Variants in GBE1 observed in about 807,000 individuals in gnomAD.
GBE1 encodes 1,4-alpha-glucan branching enzyme 1.
A neutral mutation model predicts 88.8 loss-of-function variants in GBE1; 70 were observed. That is an observed-to-expected ratio of 0.79 (90% CI 0.65 to 0.96). The LOEUF (loss-of-function observed/expected upper bound fraction) is 0.96, where lower values mean the gene tolerates loss of function less well. Ranked by LOEUF, GBE1 falls within the 40% of genes least tolerant of loss-of-function variation. The pLI is 0.00. For synonymous variants in GBE1, 284 were observed against 300.1 expected, an observed-to-expected ratio of 0.95 and a Z score of 0.56; for missense variants, 872 against 871.0, an observed-to-expected ratio of 1.00 and a Z score of -0.01.
intron 14 of GBE1, among the ~76,000 whole-genome samples, chr3:81,502,098 T>C (rs1702594416): frequency 6.6e-6 from 1 of 151,866 alleles, no homozygotes; most frequent in Non-Finnish European, 1.5e-5. Context: ...AATGTTATAG[T>C]AAAATAAAAA....
chr3:81,537,239 C>G, intron 12 of GBE1, 144 bp from the exon 13 acceptor site: 1 of 556,396 alleles, frequency 1.8e-6, no homozygotes, highest in African/African-American at 2.0e-5. Flanking sequence ...GAATGATGTA[C>G]AGGTGTAGCT....
intron 3 of GBE1, 78 bp from the exon 4 acceptor site, chr3:81,649,999 T>C: frequency 1.8e-6 from 2 of 1,139,158 alleles, no homozygotes; most frequent in Non-Finnish European, 2.6e-6. Flanking sequence ...GGAGCACTGC[T>C]ACAAGTAGGA....
intron 12 of GBE1, among the ~76,000 whole-genome samples, chr3:81,550,479 CA>C (rs913899720): frequency 6.6e-6 from 1 of 151,480 alleles, no homozygotes; most frequent in Non-Finnish European, 1.5e-5. Context: ...GAATATATGT[CA>C]GAGGTGTTTG....
At chr3:81,562,873 T>C (rs1283329396) in intron 12 of GBE1, among the ~76,000 whole-genome samples, 1 of 151,996 alleles carries the variant, frequency 6.6e-6, no homozygotes, top group African/African-American at 2.4e-5. Context: ...CATCTTTTTT[T>C]TTTTTAATGG....
chr3:81,708,701 TATA>T (rs1705810753), intron 1 of GBE1, among the ~76,000 whole-genome samples: 1 of 152,176 alleles, frequency 6.6e-6, no homozygotes, highest in African/African-American at 2.4e-5. Flanking sequence ...CATCTATGTA[TATA>T]ATAATATTTA....
intron 15 of GBE1, among the ~76,000 whole-genome samples, chr3:81,497,139 G>A (rs1702510944): frequency 6.6e-6 from 1 of 152,176 alleles, no homozygotes; most frequent in Admixed American, 6.6e-5. Flanking sequence ...TCCTGATGTT[G>A]CTGCCACTTG....
intron 12 of GBE1, among the ~76,000 whole-genome samples, chr3:81,544,330 G>A (rs1437977241): frequency 6.6e-6 from 1 of 152,080 alleles, no homozygotes; most frequent in Non-Finnish European, 1.5e-5. Flanking sequence ...TCCAAAATAC[G>A]TATTACAAGT....
At chr3:81,629,361 T>C (rs1034895181) in intron 7 of GBE1, among the ~76,000 whole-genome samples, 1 of 151,846 alleles carries the variant, frequency 6.6e-6, no homozygotes, top group African/African-American at 2.4e-5. Flanking sequence ...CATGAACTCA[T>C]CATTTTTTAT....
chr3:81,510,322 C>A (rs553060562), intron 14 of GBE1, among the ~76,000 whole-genome samples: 2 of 152,130 alleles, frequency 1.3e-5, no homozygotes, highest in South Asian at 4.1e-4. Context: ...CATAATTTTT[C>A]TTTATTTGAA....
chr3:81,743,446 C>A (rs761681025), intron 1 of GBE1: 34 of 710,534 alleles, frequency 4.8e-5, no homozygotes, highest in Admixed American at 4.6e-4. Flanking sequence ...ACACATACAC[C>A]CCCACAATAT....
chr3:81,626,079 A>G (rs933257071), intron 7 of GBE1, among the ~76,000 whole-genome samples: 2 of 152,234 alleles, frequency 1.3e-5, no homozygotes, highest in African/African-American at 2.4e-5. Flanking sequence ...TAAGATTTCA[A>G]TAAAGTAAAC....
intron 14 of GBE1, among the ~76,000 whole-genome samples, chr3:81,513,618 A>G (rs998935429): frequency 1.3e-5 from 2 of 151,638 alleles, no homozygotes; most frequent in Admixed American, 1.3e-4. Context: ...AAGACAACAG[A>G]CAGGATTAGT....
At chr3:81,613,253 T>C (rs1282330897) in intron 7 of GBE1, among the ~76,000 whole-genome samples, 1 of 151,586 alleles carries the variant, frequency 6.6e-6, no homozygotes, top group East Asian at 1.9e-4. Context: ...TTGAGCAGAA[T>C]AGAACAGGAA....
intron 8 of GBE1, among the ~76,000 whole-genome samples, chr3:81,592,804 C>T (rs899979659): frequency 6.6e-6 from 1 of 152,146 alleles, no homozygotes; most frequent in East Asian, 1.9e-4. Flanking sequence ...TTTTTCTTAA[C>T]TTTTGCCTTT....
intron 7 of GBE1, among the ~76,000 whole-genome samples, chr3:81,634,689 C>T (rs1704567885): frequency 2.0e-5 from 3 of 152,018 alleles, no homozygotes; most frequent in Non-Finnish European, 4.4e-5. Flanking sequence ...AAATATATCC[C>T]ATGAGAAACA....
intron 7 of GBE1, among the ~76,000 whole-genome samples, chr3:81,608,227 C>G (rs751122704): frequency 6.6e-5 from 10 of 152,160 alleles, no homozygotes; most frequent in Admixed American, 5.2e-4. Flanking sequence ...AACCTCAACC[C>G]TACCACCTCC....
intron 7 of GBE1, among the ~76,000 whole-genome samples, chr3:81,602,931 A>G (rs773265438): frequency 6.6e-6 from 1 of 152,018 alleles, no homozygotes; most frequent in Non-Finnish European, 1.5e-5. Flanking sequence ...ACCAAATCTC[A>G]TCTTTTCTTG....
chr3:81,494,705 A>G (rs149233677), intron 15 of GBE1, among the ~76,000 whole-genome samples: 1 of 152,276 alleles, frequency 6.6e-6, no homozygotes, highest in East Asian at 1.9e-4. Context: ...GCTCTTCACA[A>G]AGAGTCAGAA....
chr3:81,505,919 A>C (rs932422965), intron 14 of GBE1, among the ~76,000 whole-genome samples: 10 of 152,144 alleles, frequency 6.6e-5, no homozygotes, highest in African/African-American at 2.2e-4. Flanking sequence ...ATATACAAAA[A>C]TTAACTCAAG....
Sources: gnomAD v4.1 joint callset for allele counts (sites outside exome capture counted in the v4.1 genomes callset) on GRCh38, gnomAD v4.1.1 for gene constraint, MANE v1.5 for transcripts, NCBI Gene and HGNC (gene_info 2026-07-23, HGNC 2026-07-21) for gene names.